KCTD8: variants seen among roughly 807,000 people sequenced by gnomAD.
KCTD8 encodes the protein potassium channel tetramerization domain containing 8.
A neutral mutation model predicts 31.5 loss-of-function variants in KCTD8; 27 were observed. The observed-to-expected ratio is 0.86, with a 90% CI of 0.63 to 1.18. The LOEUF (loss-of-function observed/expected upper bound fraction) is 1.18, where lower values mean the gene tolerates loss of function less well. KCTD8 is among the 50% of genes most tolerant of loss of function. The probability of loss-of-function intolerance (pLI) is 0.00; values close to 1 mark genes in which losing one functional copy is unlikely to be tolerated. For synonymous variants in KCTD8, 290 were observed against 280.0 expected, an observed-to-expected ratio of 1.04 and a Z score of -0.36; for missense variants, 658 against 647.7, an observed-to-expected ratio of 1.02 and a Z score of -0.17.
intron 1 of KCTD8, among the ~76,000 whole-genome samples, chr4:44,321,516 T>C (rs1718295273): frequency 6.6e-6 from 1 of 152,180 alleles, no homozygotes; most frequent in African/African-American, 2.4e-5. Context: ...GGGGTATATG[T>C]GATACTTTGA....
Position 44,174,948 on chromosome 4 carries a change from C to T in KCTD8, c.1264G>A (p.Glu422Lys). Reference protein sequence around the residue: ...LFQTLISKSRETNLSKKKVCE... With the variant: ...LFQTLISKSRKTNLSKKKVCE... Reference sequence around the variant, plus strand: ...ACTTTCTTTTTGGACAGATTTGTTTCCCGGGACTTGCTGATGAGGGTCTGA... The same window carrying T: ...ACTTTCTTTTTGGACAGATTTGTTTTCCGGGACTTGCTGATGAGGGTCTGA... Residue 422 changes from glutamate (E) to lysine (K), a missense_variant, in exon 2 of 2, where the codon GAA becomes AAA. Glu to Lys is a moderately conservative substitution (Grantham distance 56). Coordinates refer to ENST00000360029, the MANE Select transcript of KCTD8 (RefSeq NM_198353.3). 1.2e-6 allele frequency: 2 copies of T among 1,614,050 alleles called. No individual in the cohort carries two copies. The highest frequency in any genetic ancestry group is 1.7e-6 in the Non-Finnish European group (2 of 1,179,968).
chr4:44,259,020 C>A (rs1716083784), intron 1 of KCTD8, among the ~76,000 whole-genome samples: 1 of 151,850 alleles, frequency 6.6e-6, no homozygotes. Context: ...TCAATAATTT[C>A]TAAATAATTT....
intron 1 of KCTD8, among the ~76,000 whole-genome samples, chr4:44,442,448 G>C: frequency 6.6e-6 from 1 of 151,964 alleles, no homozygotes; most frequent in East Asian, 1.9e-4. Flanking sequence ...TTAGCTGGGC[G>C]TGGTGGCAGG....
intron 1 of KCTD8, chr4:44,293,658 T>C (rs1717343919): frequency 2.8e-6 from 1 of 355,720 alleles, no homozygotes; most frequent in African/African-American, 2.1e-5. Flanking sequence ...GGTTGGTTAG[T>C]ATTTTAATCA....
chr4:44,408,909 G>A (rs376491426), intron 1 of KCTD8, among the ~76,000 whole-genome samples: 7 of 151,910 alleles, frequency 4.6e-5, no homozygotes, highest in South Asian at 2.1e-4. Flanking sequence ...GAGCCACTGC[G>A]CCCGGCCTAG....
chr4:44,275,077 GA>G (rs1716714897), intron 1 of KCTD8, among the ~76,000 whole-genome samples: 1 of 151,936 alleles, frequency 6.6e-6, no homozygotes, highest in South Asian at 2.1e-4. Context: ...GTCTACATAT[GA>G]GACAGGATAA....
intron 1 of KCTD8, among the ~76,000 whole-genome samples, chr4:44,265,804 T>G (rs948652436): frequency 1.6e-4 from 25 of 151,672 alleles, no homozygotes; most frequent in African/African-American, 6.1e-4. Context: ...CCATGGAAGA[T>G]GAAATGAATG....
chr4:44,318,538 G>A (rs1718205041), intron 1 of KCTD8, among the ~76,000 whole-genome samples: 1 of 152,146 alleles, frequency 6.6e-6, no homozygotes, highest in South Asian at 2.1e-4. Context: ...AAATACTGCA[G>A]AGACTTCAAG....
At chr4:44,275,287 G>T (rs759740995) in intron 1 of KCTD8, among the ~76,000 whole-genome samples, 66 of 151,924 alleles carry the variant, frequency 4.3e-4, no homozygotes, top group Non-Finnish European at 8.4e-4. Context: ...CCTAACATTT[G>T]GGTAAATCAT....
At chr4:44,405,471 A>G (rs1432819813) in intron 1 of KCTD8, among the ~76,000 whole-genome samples, 2 of 151,910 alleles carry the variant, frequency 1.3e-5, no homozygotes, top group Non-Finnish European at 2.9e-5. Context: ...GTTGGCCAGA[A>G]TGGTCTCGAT....
intron 1 of KCTD8, among the ~76,000 whole-genome samples, chr4:44,394,803 G>A (rs1720456589): frequency 6.6e-6 from 1 of 152,060 alleles, no homozygotes; most frequent in South Asian, 2.1e-4. Context: ...CACATTAATT[G>A]AGCATGAATT....
intron 1 of KCTD8, among the ~76,000 whole-genome samples, chr4:44,318,439 G>T (rs1718202314): frequency 6.6e-6 from 1 of 152,150 alleles, no homozygotes; most frequent in African/African-American, 2.4e-5. Flanking sequence ...ACTTTGGAAA[G>T]ATATGAGCTA....
At chr4:44,208,281 T>A (rs1048811333) in intron 1 of KCTD8, among the ~76,000 whole-genome samples, 9 of 152,152 alleles carry the variant, frequency 5.9e-5, no homozygotes, top group Admixed American at 5.9e-4. Flanking sequence ...ACTGAGTCAA[T>A]ACCAATTGGT....
chr4:44,267,173 A>G (rs1716405861), intron 1 of KCTD8, among the ~76,000 whole-genome samples: 1 of 152,204 alleles, frequency 6.6e-6, no homozygotes, highest in African/African-American at 2.4e-5. Context: ...ATGTAAAAGA[A>G]CAGAAATTAT....
chr4:44,398,065 C>T (rs967890757), intron 1 of KCTD8, among the ~76,000 whole-genome samples: 24 of 152,070 alleles, frequency 1.6e-4, no homozygotes, highest in African/African-American at 5.8e-4. Context: ...AATACATATC[C>T]TTAGGTTCAG....
At chr4:44,385,113 C>T (rs369356832) in intron 1 of KCTD8, among the ~76,000 whole-genome samples, 26 of 151,624 alleles carry the variant, frequency 1.7e-4, no homozygotes, top group African/African-American at 4.6e-4. Flanking sequence ...GATTGGAAGA[C>T]GTAATACTGT....
chr4:44,265,207 C>T (rs1300579523), intron 1 of KCTD8, among the ~76,000 whole-genome samples: 5 of 152,110 alleles, frequency 3.3e-5, no homozygotes, highest in East Asian at 1.9e-4. Flanking sequence ...TCCAGAGGAA[C>T]GATCAGACAG....
intron 1 of KCTD8, among the ~76,000 whole-genome samples, chr4:44,264,552 T>G (rs1231930005): frequency 1.3e-5 from 2 of 152,118 alleles, no homozygotes; most frequent in African/African-American, 2.4e-5. Context: ...GCGGGTGCAG[T>G]GCACCGTGTG....
intron 1 of KCTD8, among the ~76,000 whole-genome samples, chr4:44,382,014 C>G (rs1052870729): frequency 1.4e-4 from 21 of 152,002 alleles, no homozygotes; most frequent in Non-Finnish European, 4.4e-5. Context: ...ATAAATTCAT[C>G]AAGAGAATAT....
Sources: allele counts gnomAD v4.1 joint callset (sites outside exome capture counted in the v4.1 genomes callset), GRCh38; gene constraint gnomAD v4.1.1; transcripts MANE v1.5; gene names NCBI Gene and HGNC (gene_info 2026-07-23, HGNC 2026-07-21).